The following ETFB variants were observed in gnomAD, a reference collection of about 807,000 sequenced individuals.
The protein encoded by ETFB is electron transfer flavoprotein subunit beta.
ETFB carries 20 observed loss-of-function variants against 25.6 expected under a neutral mutation model. The observed-to-expected ratio is 0.78, with a 90% CI of 0.55 to 1.14. ETFB has a LOEUF of 1.14. ETFB is among the 50% of genes most tolerant of loss of function. The probability of loss-of-function intolerance (pLI) is 0.00; values close to 1 mark genes in which losing one functional copy is unlikely to be tolerated. For missense variants in ETFB, 286 were observed against 342.6 expected, an observed-to-expected ratio of 0.83 and a Z score of 1.30; for synonymous variants, 142 against 146.7, an observed-to-expected ratio of 0.97 and a Z score of 0.23.
chr19:51,345,313 G>A lies in ETFB; in HGVS notation c.666C>T (p.Leu222=), dbSNP rs139315136. The part of the protein sequence containing the change: ...GDLGVDLTSK[L]SVISVEDPPQ... ...GCGGGTCCTCCACACTGATCACAGA[G>A]AGCTTGGAGGTCAGGTCCACACCCA... Residue 222 remains leucine (L), a synonymous_variant, in exon 6 of 6, where the codon CTC becomes CTT. Coordinates refer to ENST00000309244, the MANE Select transcript of ETFB (RefSeq NM_001985.3). 21 of 1,614,112 alleles carry A rather than the reference G, an allele frequency of 1.3e-5. No individual in the cohort carries two copies. The highest frequency in any genetic ancestry group is 1.8e-5 in the Non-Finnish European group (21 of 1,179,998).
intron 5 of ETFB, chr19:51,346,297 G>A (rs1329001706): frequency 6.2e-6 from 1 of 160,368 alleles, no homozygotes; most frequent in Admixed American, 6.3e-5. Flanking sequence ...AGATGATGTA[G>A]TGAACACTCT....
intron 4 of ETFB, chr19:51,347,282 T>C (rs1185271109): frequency 5.3e-6 from 3 of 564,626 alleles, no homozygotes; most frequent in South Asian, 4.0e-5. Context: ...CATGTCCTGA[T>C]GCTGCCAGTG....
rs1599843101 is a variant in ETFB at position 51,354,184 on chromosome 19, A to C, written c.182T>G (p.Val61Gly). The part of the protein sequence containing the change: ...RLKEKKLVKE[V>G]IAVSCGPAQC... Reference sequence around the variant, plus strand: ...TGCAGGCCCACAGCTGACGGCGATGACCTCCTTCACCAGCTTCTTCTCCTT... The same window carrying C: ...TGCAGGCCCACAGCTGACGGCGATGCCCTCCTTCACCAGCTTCTTCTCCTT... The change falls in exon 2 of 6, where the codon GTC (valine) becomes GGC (glycine). Residue 61 changes from valine (V) to glycine (G), a missense_variant. By Grantham distance (109) the Val-to-Gly change is moderately radical. Transcript: ENST00000309244. 6.2e-7 allele frequency: 1 copy of C among 1,612,926 alleles called. No homozygotes were observed.
In ETFB at chr19:51,366,327, C is replaced by T. The variant is rs768283703; in HGVS notation, c.-1G>A. On this transcript the variant is annotated 5_prime_UTR_variant, in exon 1 of 6. Transcript: ENST00000309244. ...CTACGAGCACGCGCAGCTCCGCCAT[C>T]TTCCCGCCGCAGCCACTTACAGGGT... is the stretch of plus-strand genomic sequence containing the variant. 2.5e-6 allele frequency: 4 copies of T among 1,609,098 alleles called. No individual in the cohort carries two copies. The South Asian group carries it at 3.3e-5, about 13-fold the overall frequency.
intron 1 of ETFB, among the ~76,000 whole-genome samples, chr19:51,362,998 A>G (rs995166003): frequency 1.3e-5 from 2 of 152,184 alleles, no homozygotes; most frequent in Non-Finnish European, 2.9e-5. Flanking sequence ...GGAGAATGTG[A>G]GTCACTCCCT....
At chr19:51,366,199 A>G in intron 1 of ETFB, 71 bp downstream of exon 1, 1 of 1,457,508 alleles carries the variant, frequency 6.9e-7, no homozygotes, top group South Asian at 1.1e-5. Flanking sequence ...ACCCCCACCC[A>G]GTGTGCGCTC....
At chr19:51,363,198 A>C (rs1302368326) in intron 1 of ETFB, among the ~76,000 whole-genome samples, 7 of 152,126 alleles carry the variant, frequency 4.6e-5, no homozygotes, top group Non-Finnish European at 1.0e-4. Context: ...GAGGTCAGGG[A>C]GTGAGCACGT....
chr19:51,346,818 C>A (rs754178562), intron 5 of ETFB, 82 bp downstream of exon 5: 2 of 1,381,116 alleles, frequency 1.4e-6, no homozygotes, highest in South Asian at 1.3e-5. Context: ...CTTCCCTCCC[C>A]ACGTGCGACC....
intron 4 of ETFB, chr19:51,348,087 G>C (rs188598148): frequency 6.6e-6 from 1 of 152,338 alleles, no homozygotes; most frequent in African/African-American, 2.4e-5. Flanking sequence ...CAGTGCAGCT[G>C]AGGAATGAAT....
At position 51,354,175 on chromosome 19, in the gene ETFB, A is replaced by G; in HGVS notation, c.191T>C (p.Val64Ala). The stretch of plus-strand genomic sequence containing the variant: ...CTGGCACTGTGCAGGCCCACAGCTG[A>G]CGGCGATGACCTCCTTCACCAGCTT... ...EKKLVKEVIAVSCGPAQCQET... is the reference protein window; with the variant it reads ...EKKLVKEVIAASCGPAQCQET... The change falls in exon 2 of 6, where the codon GTC becomes GCC. Residue 64 changes from valine (V) to alanine (A), a missense_variant. Val to Ala is a moderately conservative substitution (Grantham distance 64, BLOSUM62 0). Transcript: ENST00000309244. 1 of 1,613,976 alleles carries G rather than the reference A, an allele frequency of 6.2e-7. No homozygotes were observed.
intron 1 of ETFB, among the ~76,000 whole-genome samples, chr19:51,360,329 G>A (rs1471075767): frequency 6.6e-6 from 1 of 151,168 alleles, no homozygotes; most frequent in Non-Finnish European, 1.5e-5. Context: ...TTGAACCCGG[G>A]AGGTGGAGGT....
chr19:51,356,495 CTT>C (rs1046817075), intron 1 of ETFB: 73 of 152,300 alleles, frequency 4.8e-4, no homozygotes, highest in African/African-American at 1.4e-3. Flanking sequence ...TGAAAGACCT[CTT>C]TGCTAAACAG....
intron 3 of ETFB, among the ~76,000 whole-genome samples, chr19:51,352,564 G>A (rs953661017): frequency 2.0e-5 from 3 of 151,954 alleles, no homozygotes; most frequent in African/African-American, 7.3e-5. Flanking sequence ...TCCCCCATGT[G>A]ACCATCACCT....
intron 4 of ETFB, 82 bp downstream of exon 4, chr19:51,350,247 A>G: frequency 6.7e-7 from 1 of 1,492,934 alleles, no homozygotes; most frequent in South Asian, 1.2e-5. Context: ...AGAGAACAGC[A>G]AATGCAAAGG....
intron 2 of ETFB, among the ~76,000 whole-genome samples, 162 bp downstream of exon 2, chr19:51,353,988 C>T (rs1228428563): frequency 6.7e-6 from 1 of 148,396 alleles, no homozygotes; most frequent in African/African-American, 2.5e-5. Context: ...GCCCCCATCC[C>T]CTTCTTCCTC....
At chr19:51,354,587 G>A in intron 1 of ETFB, 1 of 1,614,126 alleles carries the variant, frequency 6.2e-7, no homozygotes, top group Non-Finnish European at 8.5e-7. Context: ...AGGCCTGAAA[G>A]AGTGTTTCTC....
At chr19:51,354,756 G>C (rs1986035064) in intron 1 of ETFB, 4 of 1,207,558 alleles carry the variant, frequency 3.3e-6, no homozygotes, top group Admixed American at 2.0e-5. Flanking sequence ...CAGAGGAGCA[G>C]CCTGCCTGAA....
rs1568470352 is a variant in ETFB at position 51,361,696 on chromosome 19, G to GTT, written c.57+4573_57+4574insAA. On this transcript the variant is annotated intron_variant, in intron 1 of 5. Transcript: ENST00000309244. The stretch of plus-strand genomic sequence containing the variant: ...ATACAAAATTGCCCAGCCTCTCCTG[G>GTT]GTTTTTTTTTTTTTTTTTTTTTTTG... The GTT allele has an allele frequency of 7.5e-4, 94 of 125,912 alleles. 1 individual carries two copies. Among genetic ancestry groups the GTT allele is most frequent in the African/African-American group, 3.0e-3 (94 of 31,428 alleles). 7.8% of individuals were successfully genotyped at this position (125,912 alleles called of 1,614,324 possible).
chr19:51,357,486 C>CTTTTTTTTTTTTTTTTTTTT lies in ETFB; in HGVS notation c.58-3179_58-3178insAAAAAAAAAAAAAAAAAAAA. The stretch of plus-strand genomic sequence containing the variant: ...GCCCACCACAATCCTTTTTTTCTTT[C>CTTTTTTTTTTTTTTTTTTTT]TTTCTTTTTTTTTTTTTTTTTGAGA... On this transcript the variant is annotated intron_variant, in intron 1 of 5. Coordinates refer to ENST00000309244, the MANE Select transcript of ETFB (RefSeq NM_001985.3). Among the ~76,000 whole-genome samples, 2 of 100,786 alleles carry CTTTTTTTTTTTTTTTTTTTT rather than the reference C, an allele frequency of 2.0e-5. 1 individual carries two copies. The highest frequency in any genetic ancestry group is 7.8e-5 in the African/African-American group (2 of 25,564). 66.1% of individuals were successfully genotyped at this position (100,786 alleles called of 152,430 possible). A position where few individuals can be genotyped will look rare whatever the true frequency, so the allele number is the denominator to read the frequency against.
Sources: gnomAD v4.1 joint callset for allele counts (sites outside exome capture counted in the v4.1 genomes callset) on GRCh38, gnomAD v4.1.1 for gene constraint, MANE v1.5 for transcripts, NCBI Gene and HGNC (gene_info 2026-07-23, HGNC 2026-07-21) for gene names.